Variants in AIG1 observed in about 807,000 individuals in gnomAD.
AIG1 encodes the protein androgen-induced gene 1 protein.
In AIG1, 23 loss-of-function variants were observed where a neutral mutation model predicts 31.4. The observed-to-expected ratio is 0.73, with a 90% CI of 0.53 to 1.04. AIG1 has a LOEUF of 1.04. AIG1 is among the 50% of genes least tolerant of loss of function. The pLI is 0.00. For synonymous variants in AIG1, 100 were observed against 110.5 expected (o/e 0.90, Z 0.60); for missense variants, 274 against 295.0 (o/e 0.93, Z 0.52).
intron 1 of AIG1, among the ~76,000 whole-genome samples, chr6:143,112,604 T>C (rs1264567997): frequency 1.3e-5 from 2 of 152,214 alleles, no homozygotes; most frequent in Non-Finnish European, 2.9e-5. Context: ...GTTTGACAAG[T>C]ACCAGATGAC....
intron 3 of AIG1, among the ~76,000 whole-genome samples, chr6:143,246,263 G>C (rs1368180475): frequency 8.2e-6 from 1 of 121,504 alleles, no homozygotes; most frequent in Non-Finnish European, 1.7e-5. Context: ...CTGAGACTGG[G>C]CAATTTACAA....
At chr6:143,102,965 A>G (rs1035543706) in intron 1 of AIG1, among the ~76,000 whole-genome samples, 2 of 152,234 alleles carry the variant, frequency 1.3e-5, no homozygotes, top group Non-Finnish European at 2.9e-5. Flanking sequence ...AATCTAGTGT[A>G]CATATATATC....
At chr6:143,336,090 C>G (rs1250468212) in intron 5 of AIG1, among the ~76,000 whole-genome samples, 1 of 152,154 alleles carries the variant, frequency 6.6e-6, no homozygotes, top group African/African-American at 2.4e-5. Flanking sequence ...GAGTCAAAAA[C>G]TACTCACTAA....
At chr6:143,119,240 G>A (rs181920646) in intron 1 of AIG1, among the ~76,000 whole-genome samples, 2 of 152,230 alleles carry the variant, frequency 1.3e-5, no homozygotes, top group Non-Finnish European at 2.9e-5. Flanking sequence ...GTAGATTTTT[G>A]CCTATAAATG....
At chr6:143,140,904 CT>C (rs1490624511) in intron 2 of AIG1, among the ~76,000 whole-genome samples, 1 of 152,210 alleles carries the variant, frequency 6.6e-6, no homozygotes, top group African/African-American at 2.4e-5. Context: ...AGAGCCTCAG[CT>C]TTGAGTCCTC....
Position 143,297,987 on chromosome 6 carries a change from A to G in AIG1, c.515+13762A>G, listed in dbSNP as rs1798555389. On this transcript the variant is annotated intron_variant, in intron 4 of 5. Coordinates refer to ENST00000357847, the MANE Select transcript of AIG1 (RefSeq NM_016108.4). This position sits in a 1 kb window ranked among gnomAD's most constrained non-coding sequence, Gnocchi z 5.1. The stretch of plus-strand genomic sequence containing the variant: ...GTACAAAACTCTTACATAAATTAAA[A>G]TGATGCATAAATTTACAGGTAAAAA... Among the ~76,000 whole-genome samples, 1 of 152,170 alleles carries G rather than the reference A, an allele frequency of 6.6e-6. No homozygotes were observed. The highest frequency in any genetic ancestry group is 1.5e-5 in the Non-Finnish European group (1 of 68,030).
intron 2 of AIG1, among the ~76,000 whole-genome samples, chr6:143,149,491 C>T (rs192176647): frequency 7.3e-6 from 1 of 137,696 alleles, no homozygotes; most frequent in Non-Finnish European, 1.5e-5. Context: ...CGCGCCACTG[C>T]ACTCGCACTC....
chr6:143,081,947 A>G (rs1198741774), intron 1 of AIG1, among the ~76,000 whole-genome samples: 1 of 151,546 alleles, frequency 6.6e-6, no homozygotes, highest in Non-Finnish European at 1.5e-5. Flanking sequence ...GCGATTCCCT[A>G]TATTTCCCTT....
At chr6:143,201,613 G>C (rs903181501) in intron 3 of AIG1, among the ~76,000 whole-genome samples, 7 of 152,182 alleles carry the variant, frequency 4.6e-5, no homozygotes, top group African/African-American at 1.7e-4. Context: ...AATAATCTGA[G>C]AGATGCAGAT....
intron 3 of AIG1, among the ~76,000 whole-genome samples, chr6:143,197,072 C>G (rs1245198238): frequency 6.6e-6 from 1 of 152,012 alleles, no homozygotes; most frequent in African/African-American, 2.4e-5. Flanking sequence ...CACTTGCATG[C>G]TGATGATCCA....
chr6:143,274,925 C>T (rs1353101601), intron 3 of AIG1, among the ~76,000 whole-genome samples: 1 of 152,182 alleles, frequency 6.6e-6, no homozygotes, highest in East Asian at 1.9e-4. Context: ...ATAAACTCAG[C>T]ATATATTAGG....
intron 1 of AIG1, among the ~76,000 whole-genome samples, chr6:143,103,972 T>C (rs1583187560): frequency 6.6e-6 from 1 of 152,210 alleles, no homozygotes; most frequent in Non-Finnish European, 1.5e-5. Context: ...ATGGAAGGAA[T>C]TGACAATGTT....
chr6:143,073,189 T>C lies in AIG1; in HGVS notation c.141+12123T>C, dbSNP rs570405743. ...GCATCATGTCCTCTAGGCTCATTCA[T>C]GTTGTGACAAATGGATCTCATTCTT... On this transcript the variant is annotated intron_variant, in intron 1 of 5. Transcript: ENST00000357847. Among the ~76,000 whole-genome samples the C allele has an allele frequency of 5.9e-5, 9 of 152,372 alleles. No individual in the cohort carries two copies. In the East Asian group the frequency reaches 1.7e-3, roughly 29 times the overall value.
At chr6:143,251,334 G>T (rs368387425) in intron 3 of AIG1, among the ~76,000 whole-genome samples, 10 of 152,316 alleles carry the variant, frequency 6.6e-5, no homozygotes, top group African/African-American at 2.4e-4. Context: ...TTACAGGAGT[G>T]AGCCACCGTG....
chr6:143,263,414 C>T (rs1795944905), intron 3 of AIG1, among the ~76,000 whole-genome samples: 1 of 151,930 alleles, frequency 6.6e-6, no homozygotes. Context: ...TGCCCTGGTT[C>T]TTCATATTTC....
At position 143,255,814 on chromosome 6, in the gene AIG1, G is replaced by A. The variant is rs189982262; in HGVS notation, c.400-28296G>A. On this transcript the variant is annotated intron_variant, in intron 3 of 5. Coordinates refer to ENST00000357847, the MANE Select transcript of AIG1 (RefSeq NM_016108.4). ...TATATTAACTTAATTATTTTTCTAG[G>A]TGTGATGTTATATGCTAATCCTTTC... Among the ~76,000 whole-genome samples the A allele has an allele frequency of 7.9e-4, 120 of 152,258 alleles. 1 individual carries two copies. Among genetic ancestry groups the A allele is most frequent in the African/African-American group, 2.6e-3 (109 of 41,544 alleles).
At position 143,291,878 on chromosome 6, in the gene AIG1, A is replaced by G. The variant is rs1260233731; in HGVS notation, c.515+7653A>G. Among the ~76,000 whole-genome samples, 1 of 152,204 alleles carries G rather than the reference A, an allele frequency of 6.6e-6. No homozygotes were observed. The highest frequency in any genetic ancestry group is 1.5e-5 in the Non-Finnish European group (1 of 68,046). On this transcript the variant is annotated intron_variant, in intron 4 of 5. Transcript: ENST00000357847. The surrounding 1 kb of genome is among the most constrained non-coding windows in gnomAD (Gnocchi z 4.2). ...TTAATTCAGATTGGCAGTCATTGGAAGGTTTGGACAGAGACTTGACATGAA... is the reference window on the plus strand; with the variant it reads ...TTAATTCAGATTGGCAGTCATTGGAGGGTTTGGACAGAGACTTGACATGAA...
intron 4 of AIG1, among the ~76,000 whole-genome samples, chr6:143,317,721 A>G (rs1775882569): frequency 1.4e-5 from 2 of 147,500 alleles, no homozygotes; most frequent in African/African-American, 2.4e-5. Context: ...TTTGCTGATG[A>G]TATGATTGTA....
At chr6:143,341,367 C>T (rs1373332278), downstream of AIG1, among the ~76,000 whole-genome samples, 3 of 152,192 alleles carry the variant, frequency 2.0e-5, no homozygotes, top group African/African-American at 4.8e-5. Flanking sequence ...TTATGGGTTA[C>T]ATTGTGGCAC....
Sources: gnomAD v4.1 joint callset for allele counts (sites outside exome capture counted in the v4.1 genomes callset) on GRCh38, gnomAD v4.1.1 for gene constraint, Gnocchi (gnomAD v3.1) non-coding constraint, MANE v1.5 for transcripts, NCBI Gene and HGNC (gene_info 2026-07-23, HGNC 2026-07-21) for gene names.